Variants in PDGFC observed in about 807,000 individuals in gnomAD.
PDGFC encodes the protein platelet derived growth factor C.
In PDGFC, 12 loss-of-function variants were observed where a neutral mutation model predicts 35.5. The ratio of observed to expected loss-of-function variants is 0.34; its 90% CI spans 0.22 to 0.55. The LOEUF is 0.55. PDGFC is among the 20% of genes least tolerant of loss of function. The pLI is 0.91. For missense variants in PDGFC, 322 were observed against 412.4 expected, an observed-to-expected ratio of 0.78 and a Z score of 1.90; for synonymous variants, 159 against 148.8, an observed-to-expected ratio of 1.07 and a Z score of -0.50.
Position 156,760,841 on chromosome 4 carries a change from C to T in PDGFC, c.*2249G>A, listed in dbSNP as rs780753889. On this transcript the variant is annotated 3_prime_UTR_variant, in exon 6 of 6. Coordinates refer to ENST00000502773, the MANE Select transcript of PDGFC (RefSeq NM_016205.3). ...CAAAGATGGGAAACAATGGATTAAA[C>T]ACAGTTAAACAGGCTATTTACTAAG... is the stretch of plus-strand genomic sequence containing the variant. 1 of 151,994 alleles carries T rather than the reference C, an allele frequency of 6.6e-6. No homozygotes were observed. The highest frequency in any genetic ancestry group is 1.5e-5 in the Non-Finnish European group (1 of 68,006). The allele number at this position is 151,994 out of a possible 1,614,324, so 9.4% of individuals were successfully genotyped here.
At chr4:156,935,059 G>A (rs1209465046) in intron 1 of PDGFC, among the ~76,000 whole-genome samples, 1 of 152,118 alleles carries the variant, frequency 6.6e-6, no homozygotes, top group Non-Finnish European at 1.5e-5. Context: ...GCAGTGGCAT[G>A]ATCTCGGCTC....
At chr4:156,802,421 A>C (rs920929363) in intron 3 of PDGFC, among the ~76,000 whole-genome samples, 1 of 152,102 alleles carries the variant, frequency 6.6e-6, no homozygotes, top group African/African-American at 2.4e-5. Context: ...AGAATGACTA[A>C]AAATCTGTTA....
chr4:156,933,607 C>T (rs921596486), intron 1 of PDGFC, among the ~76,000 whole-genome samples: 2 of 152,116 alleles, frequency 1.3e-5, no homozygotes, highest in African/African-American at 4.8e-5. Flanking sequence ...TCTAGTGTTC[C>T]TTGACACAAG....
At chr4:156,844,229 C>T (rs983919668) in intron 2 of PDGFC, among the ~76,000 whole-genome samples, 2 of 152,078 alleles carry the variant, frequency 1.3e-5, no homozygotes, top group African/African-American at 2.4e-5. Context: ...TTAAATTGTT[C>T]TCAGTTATAT....
chr4:156,811,691 C>T (rs1731935436), intron 2 of PDGFC, among the ~76,000 whole-genome samples: 1 of 152,066 alleles, frequency 6.6e-6, no homozygotes, highest in South Asian at 2.1e-4. Context: ...TTTCACTATA[C>T]ACAGTATCTT....
intron 3 of PDGFC, among the ~76,000 whole-genome samples, chr4:156,776,176 G>A (rs1247145536): frequency 6.6e-6 from 1 of 152,108 alleles, no homozygotes; most frequent in East Asian, 1.9e-4. Context: ...CTCTAACAAA[G>A]TAACACTGTT....
intron 3 of PDGFC, among the ~76,000 whole-genome samples, chr4:156,785,753 A>C (rs1731106682): frequency 6.6e-6 from 1 of 152,042 alleles, no homozygotes; most frequent in African/African-American, 2.4e-5. Flanking sequence ...AATAATGCAC[A>C]TTTTTTTCCA....
chr4:156,796,985 C>G (rs1476489527), intron 3 of PDGFC, among the ~76,000 whole-genome samples: 1 of 151,970 alleles, frequency 6.6e-6, no homozygotes, highest in African/African-American at 2.4e-5. Flanking sequence ...CGCCTGTAAT[C>G]CCAGCACTTT....
chr4:156,841,066 T>C (rs970641258), intron 2 of PDGFC, among the ~76,000 whole-genome samples: 2 of 151,882 alleles, frequency 1.3e-5, no homozygotes, highest in African/African-American at 4.8e-5. Context: ...TTTGGGTTAA[T>C]ACTTGAAAGA....
At chr4:156,917,044 A>C (rs1560872074) in intron 1 of PDGFC, among the ~76,000 whole-genome samples, 1 of 152,182 alleles carries the variant, frequency 6.6e-6, no homozygotes, top group Non-Finnish European at 1.5e-5. Flanking sequence ...AAAATGAAAA[A>C]TTGCATCCTC....
intron 2 of PDGFC, among the ~76,000 whole-genome samples, chr4:156,840,361 C>G (rs1402348894): frequency 6.6e-6 from 1 of 152,176 alleles, no homozygotes; most frequent in Admixed American, 6.5e-5. Flanking sequence ...GTGTAAGCCC[C>G]AAGCCTTGGT....
At chr4:156,929,284 A>C (rs984164429) in intron 1 of PDGFC, among the ~76,000 whole-genome samples, 2 of 152,222 alleles carry the variant, frequency 1.3e-5, no homozygotes, top group African/African-American at 4.8e-5. Flanking sequence ...ATATTTGTAA[A>C]GAAATTTTAT....
chr4:156,839,292 C>A (rs577144844), intron 2 of PDGFC, among the ~76,000 whole-genome samples: 58 of 152,284 alleles, frequency 3.8e-4, no homozygotes, highest in African/African-American at 7.0e-4. Context: ...CAACATGGGG[C>A]AGTTACCCTC....
At chr4:156,800,464 A>G (rs1731570777) in intron 3 of PDGFC, among the ~76,000 whole-genome samples, 1 of 152,204 alleles carries the variant, frequency 6.6e-6, no homozygotes, top group African/African-American at 2.4e-5. Flanking sequence ...TATCATCTGA[A>G]TTAGAGAGAT....
At chr4:156,888,164 T>C (rs966874538) in intron 1 of PDGFC, among the ~76,000 whole-genome samples, 1 of 152,196 alleles carries the variant, frequency 6.6e-6, no homozygotes, top group African/African-American at 2.4e-5. Flanking sequence ...GTACTTGTTT[T>C]TACAACTGGA....
In PDGFC at chr4:156,762,268, C is replaced by T. The variant is rs1482715319; in HGVS notation, c.*822G>A. The T allele has an allele frequency of 2.6e-5, 4 of 152,378 alleles. No individual in the cohort carries two copies. Among genetic ancestry groups the T allele is most frequent in the South Asian group, 2.1e-4 (1 of 4,818 alleles). 9.4% of individuals were successfully genotyped at this position (152,378 alleles called of 1,614,324 possible). On this transcript the variant is annotated 3_prime_UTR_variant, in exon 6 of 6. Transcript: ENST00000502773. ...ATTTACCAAGCTAAAAATAGTTGAT[C>T]TAAGTTGTCATAAAAAAGAATATTA...
rs548115486 is a variant in PDGFC, at chr4:156,802,551, C to A, written c.495+8286G>T. On this transcript the variant is annotated intron_variant, in intron 3 of 5. Transcript: ENST00000502773. ...AGAAGGTAGAGTAGAAACATACACA[C>A]ACATACACACACACACACACACACA... Among the ~76,000 whole-genome samples, 315 of 122,752 alleles carry A rather than the reference C, an allele frequency of 2.6e-3. 1 individual carries two copies. Among genetic ancestry groups the A allele is most frequent in the African/African-American group, 0.012 (304 of 25,064 alleles). The allele number at this position is 122,752 out of a possible 152,430, so 80.5% of individuals were successfully genotyped here. A position where few individuals can be genotyped will look rare whatever the true frequency, so the allele number is the denominator to read the frequency against.
intron 2 of PDGFC, among the ~76,000 whole-genome samples, chr4:156,837,506 T>C (rs1416595443): frequency 6.6e-6 from 1 of 152,190 alleles, no homozygotes; most frequent in East Asian, 1.9e-4. Flanking sequence ...TTCTAGAAAT[T>C]GTTCATATTT....
At chr4:156,847,120 ATACCC>A (rs1440163481) in intron 2 of PDGFC, among the ~76,000 whole-genome samples, 1 of 151,816 alleles carries the variant, frequency 6.6e-6, no homozygotes, top group Non-Finnish European at 1.5e-5. Flanking sequence ...ATATATGCAT[ATACCC>A]TTTAGGAGGT....
Sources: allele counts gnomAD v4.1 joint callset (sites outside exome capture counted in the v4.1 genomes callset), GRCh38; gene constraint gnomAD v4.1.1; transcripts MANE v1.5; gene names NCBI Gene and HGNC (gene_info 2026-07-23, HGNC 2026-07-21).